LIPJ: variants seen among roughly 807,000 people sequenced by gnomAD.
LIPJ encodes the protein lipase family member J, also known as lipase member J.
A neutral mutation model predicts 39.8 loss-of-function variants in LIPJ; 33 were observed. The observed-to-expected ratio is 0.83, with a 90% CI of 0.63 to 1.11. The LOEUF (loss-of-function observed/expected upper bound fraction) is 1.11. Ranked by LOEUF, LIPJ falls within the 50% of genes least tolerant of loss-of-function variation. The probability of loss-of-function intolerance (pLI) is 0.00; values close to 1 mark genes in which losing one functional copy is unlikely to be tolerated. For missense variants in LIPJ, 422 were observed against 427.9 expected, an observed-to-expected ratio of 0.99 and a Z score of 0.12; for synonymous variants, 128 against 139.2, an observed-to-expected ratio of 0.92 and a Z score of 0.57.
At position 88,590,626 on chromosome 10, in the gene LIPJ, G is replaced by A. The variant is rs41296129; in HGVS notation, c.-62G>A. Reference sequence around the variant, plus strand: ...CTTTTCACAATGATGTATTTTATCCGAATTCTTGGAATTACTCATGGTGTC... The same window carrying A: ...CTTTTCACAATGATGTATTTTATCCAAATTCTTGGAATTACTCATGGTGTC... On this transcript the variant is annotated 5_prime_UTR_variant, in exon 3 of 11. Coordinates refer to ENST00000371939, the Ensembl canonical transcript of LIPJ. 4,605 of 1,363,826 alleles carry A rather than the reference G, an allele frequency of 3.4e-3. 20 individuals carry two copies. Among genetic ancestry groups the A allele is most frequent in the Non-Finnish European group, 4.1e-3 (3,968 of 957,020 alleles). The allele number at this position is 1,363,826 out of a possible 1,614,324, so 84.5% of individuals were successfully genotyped here.
chr10:88,603,240 G>A (rs189794642), intron 9 of LIPJ, among the ~76,000 whole-genome samples: 66 of 152,232 alleles, frequency 4.3e-4, no homozygotes, highest in East Asian at 2.9e-3. Context: ...TCCCACAGTC[G>A]ACTTGCCCAA....
At chr10:88,612,558 G>A in the LIPJ span, among the ~76,000 whole-genome samples, 1 of 152,056 alleles carries the variant, frequency 6.6e-6, no homozygotes, top group East Asian at 1.9e-4. Flanking sequence ...CCATGCAAAT[G>A]GACACCAAAA....
At chr10:88,592,013 C>T (rs1851095474) in intron 4 of LIPJ, 1 of 151,860 alleles carries the variant, frequency 6.6e-6, no homozygotes, top group South Asian at 2.1e-4. Flanking sequence ...AGATCTGCCA[C>T]TTACTAGTAG....
At chr10:88,606,205 A>G (rs1851661623) in intron 10 of LIPJ, among the ~76,000 whole-genome samples, 1 of 152,168 alleles carries the variant, frequency 6.6e-6, no homozygotes, top group African/African-American at 2.4e-5. Flanking sequence ...CTTTTCCTCC[A>G]TACTTTTCTG....
At chr10:88,605,294 C>T (rs1274823182) in intron 9 of LIPJ, among the ~76,000 whole-genome samples, 1 of 152,138 alleles carries the variant, frequency 6.6e-6, no homozygotes, top group Non-Finnish European at 1.5e-5. Context: ...AGTCTCAGTG[C>T]AAGACACTCA....
chr10:88,596,220 T>G, intron 6 of LIPJ, 60 bp from the exon 7 acceptor site: 1 of 1,088,800 alleles, frequency 9.2e-7, no homozygotes, highest in Non-Finnish European at 1.2e-6. Context: ...TGGTGTCATC[T>G]CTTACATGCT....
the LIPJ span, among the ~76,000 whole-genome samples, chr10:88,614,951 C>T: frequency 8.6e-5 from 13 of 152,000 alleles, no homozygotes; most frequent in African/African-American, 3.1e-4. Flanking sequence ...TTGGGGTTTA[C>T]AATAAAACAA....
At chr10:88,610,734 A>G (rs1417838963), downstream of LIPJ, among the ~76,000 whole-genome samples, 1 of 152,218 alleles carries the variant, frequency 6.6e-6, no homozygotes, top group African/African-American at 2.4e-5. Flanking sequence ...GACCACACCT[A>G]TGTAGTCAGT....
At chr10:88,611,529 G>A (rs1306116740), downstream of LIPJ, among the ~76,000 whole-genome samples, 2 of 152,096 alleles carry the variant, frequency 1.3e-5, no homozygotes, top group Non-Finnish European at 2.9e-5. Flanking sequence ...TGTAGAATAA[G>A]AAAGGAAAAT....
At chr10:88,607,291 T>C (rs879656464), downstream of LIPJ, among the ~76,000 whole-genome samples, 1 of 152,206 alleles carries the variant, frequency 6.6e-6, no homozygotes, top group Non-Finnish European at 1.5e-5. Flanking sequence ...TGTTCCTCTA[T>C]GCTAAATGAA....
downstream of LIPJ, among the ~76,000 whole-genome samples, chr10:88,611,809 A>G (rs1451697335): frequency 6.6e-6 from 1 of 152,226 alleles, no homozygotes; most frequent in Non-Finnish European, 1.5e-5. Context: ...GTCCCTGAGG[A>G]AGAAGAGAAA....
At chr10:88,584,551 T>A (rs1407359408), upstream of LIPJ, 1 of 152,226 alleles carries the variant, frequency 6.6e-6, no homozygotes, top group Non-Finnish European at 1.5e-5. Flanking sequence ...TTTAATTTTT[T>A]ATATTCAAAT....
At chr10:88,599,517 A>G (rs1489048866) in intron 8 of LIPJ, among the ~76,000 whole-genome samples, 2 of 151,972 alleles carry the variant, frequency 1.3e-5, no homozygotes, top group African/African-American at 4.8e-5. Flanking sequence ...TAGGAGTGAT[A>G]CCATACAGTA....
In LIPJ at chr10:88,602,566, T is replaced by A. The variant is rs747451414; in HGVS notation, c.724-10T>A. The A allele has an allele frequency of 1.9e-5, 27 of 1,434,630 alleles. No homozygotes were observed. The highest frequency in any genetic ancestry group is 1.3e-4 in the East Asian group (5 of 38,842). The allele number at this position is 1,434,630 out of a possible 1,614,324, so 88.9% of individuals were successfully genotyped here. A position where few individuals can be genotyped will look rare whatever the true frequency, so the allele number is the denominator to read the frequency against. On this transcript the variant is annotated splice_polypyrimidine_tract_variant and intron_variant, in intron 8 of 10. Coordinates refer to ENST00000371939, the Ensembl canonical transcript of LIPJ. ...ATAAAAATGCTTTTTTTTTTTTTTTTACCCCTCAGAGTCGTTTGGATGTGT... is the reference window on the plus strand; with the variant it reads ...ATAAAAATGCTTTTTTTTTTTTTTTAACCCCTCAGAGTCGTTTGGATGTGT...
At chr10:88,609,638 C>T (rs144604635), downstream of LIPJ, among the ~76,000 whole-genome samples, 5,567 of 152,248 alleles carry the variant, frequency 0.037, 197 homozygotes, top group Admixed American at 0.12. Flanking sequence ...CAGTGGCGCA[C>T]GCCTGTAATC....
At chr10:88,613,770 G>GCATATATATA in the LIPJ span, among the ~76,000 whole-genome samples, 1 of 75,514 alleles carries the variant, frequency 1.3e-5, no homozygotes, top group Non-Finnish European at 2.8e-5. Context: ...ATGTGTGTGT[G>GCATATATATA]TATATATATA....
intron 8 of LIPJ, among the ~76,000 whole-genome samples, chr10:88,597,478 T>C (rs1851296820): frequency 6.6e-6 from 1 of 151,958 alleles, no homozygotes; most frequent in Non-Finnish European, 1.5e-5. Context: ...TAGGCATTCA[T>C]TCTAAGTGTT....
chr10:88,594,133 CTGG>C, exon 5 of LIPJ: 1 of 1,609,290 alleles, frequency 6.2e-7, no homozygotes, highest in Non-Finnish European at 8.5e-7. Flanking sequence ...CCAAAGAATT[CTGG>C]GCTTTCAGGT....
chr10:88,607,778 ACT>A (rs1851703206), downstream of LIPJ, among the ~76,000 whole-genome samples: 1 of 152,122 alleles, frequency 6.6e-6, no homozygotes, highest in African/African-American at 2.4e-5. Flanking sequence ...TGTACACTAA[ACT>A]CTCTCTCAAA....
Sources: allele counts gnomAD v4.1 joint callset (sites outside exome capture counted in the v4.1 genomes callset), GRCh38; gene constraint gnomAD v4.1.1; transcripts MANE v1.5; gene names NCBI Gene and HGNC (gene_info 2026-07-23, HGNC 2026-07-21).